PRDM5: variants seen among roughly 807,000 people sequenced by gnomAD.
PRDM5 encodes PR domain zinc finger protein 5.
Under a neutral mutation model 81.2 loss-of-function variants are expected in PRDM5, and 56 were observed. The ratio of observed to expected loss-of-function variants is 0.69; its 90% confidence interval spans 0.56 to 0.86. The LOEUF is 0.86. Ranked by LOEUF, PRDM5 falls within the 40% of genes least tolerant of loss-of-function variation. The probability of loss-of-function intolerance (pLI) is 0.00; values close to 1 mark genes in which losing one functional copy is unlikely to be tolerated. For missense variants in PRDM5, 697 were observed against 770.1 expected (o/e 0.91, Z 1.12); for synonymous variants, 267 against 256.4 (o/e 1.04, Z -0.39).
intron 14 of PRDM5, among the ~76,000 whole-genome samples, chr4:120,725,349 A>G (rs1739244536): frequency 6.6e-6 from 1 of 151,054 alleles, no homozygotes; most frequent in South Asian, 2.1e-4. Context: ...CTTTTGTAAT[A>G]TCTGATGATG....
In PRDM5 at chr4:120,922,654, G is replaced by A. The variant is rs1725122331; in HGVS notation, c.-46C>T. 1.9e-6 allele frequency: 3 copies of A among 1,572,774 alleles called. No homozygotes were observed. Among genetic ancestry groups the A allele is most frequent in the Non-Finnish European group, 2.6e-6 (3 of 1,159,472 alleles). ...CCGCCTCTCTCAACACCGGCGCTTA[G>A]CGCCCGGCAGGCGGCACATCGAAAT... On this transcript the variant is annotated 5_prime_UTR_variant, in exon 1 of 16. Transcript: ENST00000264808.
chr4:120,853,558 C>A lies in PRDM5; in HGVS notation c.178-18G>T, dbSNP rs771745841. The A allele has an allele frequency of 4.3e-6, 7 of 1,613,368 alleles. No individual in the cohort carries two copies. Among genetic ancestry groups the A allele is most frequent in the Admixed American group, 3.3e-5 (2 of 59,998 alleles). The stretch of plus-strand genomic sequence containing the variant: ...CCACGAACCTGAAACATTAAAGGCT[C>A]CTGAGTTTACAATGGAAGTCAGAAT... On this transcript the variant is annotated intron_variant, in intron 2 of 15. Transcript: ENST00000264808.
chr4:120,694,998 C>T lies in PRDM5; in HGVS notation c.*113G>A. 2 of 1,258,958 alleles carry T rather than the reference C, an allele frequency of 1.6e-6. No homozygotes were observed. Among genetic ancestry groups the T allele is most frequent in the Non-Finnish European group, 2.3e-6 (2 of 866,262 alleles). 78.0% of individuals were successfully genotyped at this position (1,258,958 alleles called of 1,614,324 possible). A position where few individuals can be genotyped will look rare whatever the true frequency, so the allele number is the denominator to read the frequency against. On this transcript the variant is annotated 3_prime_UTR_variant, in exon 16 of 16. Transcript: ENST00000264808. ...GACTCTAAATGTAGGCAAATAAGAA[C>T]TATGAGACCAGTAAGTCACTTTTGG...
chr4:120,784,453 G>A (rs1749471032), intron 11 of PRDM5, among the ~76,000 whole-genome samples: 1 of 152,102 alleles, frequency 6.6e-6, no homozygotes, highest in Non-Finnish European at 1.5e-5. Context: ...AGTAGGAAAA[G>A]CACCTATCAG....
chr4:120,850,263 A>T (rs17051269), intron 3 of PRDM5, among the ~76,000 whole-genome samples: 17,787 of 152,142 alleles, frequency 0.12, 1,275 homozygotes, highest in Non-Finnish European at 0.16. Context: ...CAAACTTCAG[A>T]TGCAATTTGG....
intron 13 of PRDM5, among the ~76,000 whole-genome samples, chr4:120,763,463 T>C (rs769687141): frequency 1.4e-4 from 22 of 152,086 alleles, no homozygotes; most frequent in South Asian, 4.1e-4. Flanking sequence ...AGGGTCTTGA[T>C]GTGAGTGCTG....
chr4:120,904,093 G>C (rs1159285846), intron 2 of PRDM5, among the ~76,000 whole-genome samples: 1 of 143,936 alleles, frequency 6.9e-6, no homozygotes, highest in African/African-American at 2.5e-5. Context: ...GGGAGGCTGA[G>C]GCAGGAGAAC....
At chr4:120,860,262 T>C (rs968686743) in intron 2 of PRDM5, among the ~76,000 whole-genome samples, 8 of 152,218 alleles carry the variant, frequency 5.3e-5, no homozygotes, top group Admixed American at 6.5e-5. Flanking sequence ...ATATAGTGTG[T>C]CTTTTCTTTA....
At chr4:120,898,919 C>T (rs1764946678) in intron 2 of PRDM5, among the ~76,000 whole-genome samples, 1 of 152,172 alleles carries the variant, frequency 6.6e-6, no homozygotes, top group African/African-American at 2.4e-5. Context: ...TTCCATCCCG[C>T]TTCACTCACC....
intron 2 of PRDM5, among the ~76,000 whole-genome samples, chr4:120,862,244 T>C (rs1760690403): frequency 6.6e-6 from 1 of 152,238 alleles, no homozygotes. Flanking sequence ...ATTTCTTTAT[T>C]GGTTATTTTC....
intron 1 of PRDM5, among the ~76,000 whole-genome samples, chr4:120,685,760 G>T (rs1578547572): frequency 1.3e-5 from 2 of 152,188 alleles, no homozygotes. Flanking sequence ...ACATCATTCA[G>T]TTAAGTAAAT....
At chr4:120,802,972 G>A (rs1017785028) in intron 8 of PRDM5, among the ~76,000 whole-genome samples, 10 of 152,102 alleles carry the variant, frequency 6.6e-5, no homozygotes, top group Admixed American at 2.0e-4. Flanking sequence ...AAGATTAGAC[G>A]AATGGCTAAC....
At chr4:120,717,587 C>G (rs552686545) in intron 14 of PRDM5, among the ~76,000 whole-genome samples, 6 of 152,322 alleles carry the variant, frequency 3.9e-5, no homozygotes, top group African/African-American at 1.4e-4. Flanking sequence ...TTGGAGGACT[C>G]TGAACATGAA....
chr4:120,914,609 G>A lies in PRDM5; in HGVS notation c.94-7052C>T, dbSNP rs140028290. ...AATCATGGTGGAAGGCAAAAGAGAA[G>A]CACGCACCTTCTTCCAAGGGCTGCA... is the stretch of plus-strand genomic sequence containing the variant. On this transcript the variant is annotated intron_variant, in intron 1 of 15. Coordinates refer to ENST00000264808, the MANE Select transcript of PRDM5 (RefSeq NM_018699.4). Among the ~76,000 whole-genome samples the A allele has an allele frequency of 2.6e-4, 39 of 152,268 alleles. 1 individual carries two copies. The East Asian group carries it at 5.0e-3, about 20-fold the overall frequency.
intron 14 of PRDM5, among the ~76,000 whole-genome samples, chr4:120,734,280 T>C (rs77514052): frequency 0.013 from 1,963 of 151,240 alleles, 42 homozygotes; most frequent in African/African-American, 0.045. Context: ...ACTGAGACAG[T>C]TGATCAAAGC....
At position 120,812,905 on chromosome 4, in the gene PRDM5, A is replaced by G. The variant is rs530207668; in HGVS notation, c.866-1456T>C. 9 of 189,266 alleles carry G rather than the reference A, an allele frequency of 4.8e-5. No homozygotes were observed. In the East Asian group the frequency reaches 1.6e-3, roughly 33 times the overall value. The allele number at this position is 189,266 out of a possible 1,614,324, so 11.7% of individuals were successfully genotyped here. ...AAATGTGTTTGTAAAAGAAAAAACT[A>G]AATTTATTAATTCATAAAGTGATTG... On this transcript the variant is annotated intron_variant, in intron 7 of 15. Transcript: ENST00000264808.
downstream of PRDM5, among the ~76,000 whole-genome samples, chr4:120,690,620 TTAGA>T (rs1165198159): frequency 1.3e-5 from 2 of 152,104 alleles, no homozygotes; most frequent in Non-Finnish European, 1.5e-5. Context: ...GAAAGCATTA[TTAGA>T]TAGTCTGTAA....
intron 14 of PRDM5, among the ~76,000 whole-genome samples, chr4:120,751,768 G>C (rs565902750): frequency 1.3e-5 from 2 of 152,300 alleles, no homozygotes; most frequent in South Asian, 4.1e-4. Context: ...GCAATAACCA[G>C]AGAGTAAATG....
intron 15 of PRDM5, among the ~76,000 whole-genome samples, chr4:120,699,194 A>ATATT: frequency 3.2e-5 from 2 of 61,612 alleles, no homozygotes; most frequent in Non-Finnish European, 3.7e-5. Flanking sequence ...ATATATATAT[A>ATATT]TATATATATA....
Sources: allele counts gnomAD v4.1 joint callset (sites outside exome capture counted in the v4.1 genomes callset), GRCh38; gene constraint gnomAD v4.1.1; transcripts MANE v1.5; gene names NCBI Gene and HGNC (gene_info 2026-07-23, HGNC 2026-07-21).